MTPN: variants seen among roughly 807,000 people sequenced by gnomAD.
MTPN encodes myotrophin, also known as granule cell differentiation protein.
MTPN carries 2 observed loss-of-function variants against 13.5 expected under a neutral mutation model. The observed-to-expected ratio is 0.15, with a 90% CI of 0.06 to 0.47. The LOEUF (loss-of-function observed/expected upper bound fraction) is 0.47. MTPN is among the 20% of genes least tolerant of loss of function. The pLI is 0.97. For missense variants in MTPN, 79 were observed against 137.9 expected, an observed-to-expected ratio of 0.57 and a Z score of 2.14; for synonymous variants, 46 against 51.7, an observed-to-expected ratio of 0.89 and a Z score of 0.48.
intron 3 of MTPN, among the ~76,000 whole-genome samples, chr7:135,940,404 GAC>G (rs1799191113): frequency 1.3e-5 from 2 of 152,112 alleles, no homozygotes; most frequent in Admixed American, 1.3e-4. Context: ...ACAGAGTAAA[GAC>G]AATTTCTGGT....
At chr7:135,937,304 T>C (rs916788933) in intron 3 of MTPN, among the ~76,000 whole-genome samples, 3 of 151,920 alleles carry the variant, frequency 2.0e-5, no homozygotes, top group Non-Finnish European at 4.4e-5. Flanking sequence ...TTAAAAAATT[T>C]ACAAATAAAA....
chr7:135,971,255 T>C (rs190168520), intron 1 of MTPN, among the ~76,000 whole-genome samples: 87 of 152,054 alleles, frequency 5.7e-4, no homozygotes, highest in African/African-American at 1.8e-3. Flanking sequence ...GCAAGTGAAA[T>C]AGAAGTACAT....
At chr7:135,958,788 T>C (rs577480297) in intron 1 of MTPN, among the ~76,000 whole-genome samples, 1 of 152,346 alleles carries the variant, frequency 6.6e-6, no homozygotes, top group Non-Finnish European at 1.5e-5. Flanking sequence ...ACCTACCATC[T>C]GCTGATCCCT....
intron 2 of MTPN, among the ~76,000 whole-genome samples, chr7:135,951,204 G>A (rs570893527): frequency 6.6e-6 from 1 of 152,208 alleles, no homozygotes; most frequent in East Asian, 1.9e-4. Flanking sequence ...GTCCTATGCT[G>A]TATTACATCA....
rs1250450887 is a variant in MTPN, at chr7:135,927,113, A to G, written c.*2813T>C. ...GAGTATACAATATTGCATGGAAGAA[A>G]ACAGCAGCTCAACTGAAATATTAGA... On this transcript the variant is annotated 3_prime_UTR_variant, in exon 4 of 4. Transcript: ENST00000393085. 2 of 503,202 alleles carry G rather than the reference A, an allele frequency of 4.0e-6. No homozygotes were observed. Among genetic ancestry groups the G allele is most frequent in the East Asian group, 3.2e-5 (1 of 31,026 alleles). The allele number at this position is 503,202 out of a possible 1,614,324, so 31.2% of individuals were successfully genotyped here.
At chr7:135,940,642 G>A (rs547418915) in intron 3 of MTPN, among the ~76,000 whole-genome samples, 34 of 152,256 alleles carry the variant, frequency 2.2e-4, no homozygotes, top group African/African-American at 7.9e-4. Flanking sequence ...ACGAAAACTA[G>A]AACCATCTGA....
At chr7:135,960,813 G>A (rs1184480079) in intron 1 of MTPN, 1 of 150,904 alleles carries the variant, frequency 6.6e-6, no homozygotes, top group African/African-American at 2.4e-5. Flanking sequence ...TATTTTTTTG[G>A]TTTTTAATTA....
chr7:135,972,231 GCACACA>G (rs67168370), intron 1 of MTPN, among the ~76,000 whole-genome samples: 33 of 124,718 alleles, frequency 2.6e-4, no homozygotes, highest in East Asian at 2.5e-3. Flanking sequence ...GCACGCGCGC[GCACACA>G]CACACACACA....
chr7:135,945,492 T>G (rs1233102300), intron 3 of MTPN, among the ~76,000 whole-genome samples: 1 of 152,144 alleles, frequency 6.6e-6, no homozygotes, highest in Admixed American at 6.5e-5. Context: ...TTTTTAAAAC[T>G]TTTTTGTTGA....
chr7:135,976,201 G>A (rs1799770249), intron 1 of MTPN, among the ~76,000 whole-genome samples: 1 of 152,150 alleles, frequency 6.6e-6, no homozygotes, highest in African/African-American at 2.4e-5. Flanking sequence ...CCACAATGTC[G>A]ATTCAGTTTT....
At chr7:135,930,343 CAGTATGAAACGGGG>C (rs1250360698) in intron 3 of MTPN, among the ~76,000 whole-genome samples, 4 of 152,098 alleles carry the variant, frequency 2.6e-5, no homozygotes, top group Non-Finnish European at 5.9e-5. Context: ...TCCCTATGTG[CAGTATGAAACGGGG>C]AAAAAGTAAA....
Position 135,929,195 on chromosome 7 carries a change from C to T in MTPN, c.*731G>A, listed in dbSNP as rs1798974918. Reference sequence around the variant, plus strand: ...TGAATCTAGAGGAGAAAAAAATATGCATACTGGAATGGTTTCTCCTTTAGA... The same window carrying T: ...TGAATCTAGAGGAGAAAAAAATATGTATACTGGAATGGTTTCTCCTTTAGA... On this transcript the variant is annotated 3_prime_UTR_variant, in exon 4 of 4. Transcript: ENST00000393085. The T allele has an allele frequency of 6.0e-6, 1 of 166,912 alleles. No homozygotes were observed. Among genetic ancestry groups the T allele is most frequent in the African/African-American group, 2.4e-5 (1 of 41,378 alleles). The allele number at this position is 166,912 out of a possible 1,614,324, so 10.3% of individuals were successfully genotyped here. A position where few individuals can be genotyped will look rare whatever the true frequency, so the allele number is the denominator to read the frequency against.
In MTPN at chr7:135,937,919, G is replaced by A. The variant is rs189478478; in HGVS notation, c.271-7907C>T. Among the ~76,000 whole-genome samples, 289 of 152,270 alleles carry A rather than the reference G, an allele frequency of 1.9e-3. 1 individual carries two copies. Among genetic ancestry groups the A allele is most frequent in the African/African-American group, 6.8e-3 (282 of 41,548 alleles). On this transcript the variant is annotated intron_variant, in intron 3 of 3. Coordinates refer to ENST00000393085, the MANE Select transcript of MTPN (RefSeq NM_145808.4). ...AGTCTTTTCTCCAGCTTACTTTACTGTAACAATGAAGTATATAACTCATAC... is the reference window on the plus strand; with the variant it reads ...AGTCTTTTCTCCAGCTTACTTTACTATAACAATGAAGTATATAACTCATAC...
intron 1 of MTPN, among the ~76,000 whole-genome samples, chr7:135,965,751 AAAACAAC>A (rs1489585318): frequency 6.6e-6 from 1 of 152,158 alleles, no homozygotes; most frequent in Non-Finnish European, 1.5e-5. Context: ...CATTGGGTTT[AAAACAAC>A]AAAGAACTTG....
intron 1 of MTPN, among the ~76,000 whole-genome samples, chr7:135,954,926 G>C (rs1030714141): frequency 6.6e-6 from 1 of 152,190 alleles, no homozygotes; most frequent in Non-Finnish European, 1.5e-5. Context: ...CTGGGTGACA[G>C]AGCGAGACTC....
intron 1 of MTPN, among the ~76,000 whole-genome samples, chr7:135,953,423 C>T (rs770734246): frequency 6.6e-6 from 1 of 152,092 alleles, no homozygotes; most frequent in Non-Finnish European, 1.5e-5. Flanking sequence ...GGAGCTCCAT[C>T]ACCATTAGAT....
chr7:135,939,120 G>C (rs1317685733), intron 3 of MTPN, among the ~76,000 whole-genome samples: 1 of 152,142 alleles, frequency 6.6e-6, no homozygotes, highest in African/African-American at 2.4e-5. Context: ...CGGAGGATCT[G>C]TTTACCTTGT....
At chr7:135,955,520 T>G (rs1799429175) in intron 1 of MTPN, among the ~76,000 whole-genome samples, 1 of 152,150 alleles carries the variant, frequency 6.6e-6, no homozygotes, top group Non-Finnish European at 1.5e-5. Flanking sequence ...ATAATACCAA[T>G]TCTACCCACT....
At chr7:135,958,720 TA>T (rs1799480428) in intron 1 of MTPN, among the ~76,000 whole-genome samples, 1 of 152,192 alleles carries the variant, frequency 6.6e-6, no homozygotes, top group Non-Finnish European at 1.5e-5. Context: ...TAACTACAAC[TA>T]ATTATTTTCA....
Sources: allele counts gnomAD v4.1 joint callset (sites outside exome capture counted in the v4.1 genomes callset), GRCh38; gene constraint gnomAD v4.1.1; transcripts MANE v1.5; gene names NCBI Gene and HGNC (gene_info 2026-07-23, HGNC 2026-07-21).